The following XYLT1 variants were observed in gnomAD, a reference collection of about 807,000 sequenced individuals.
XYLT1 encodes the protein beta-D-xylosyltransferase 1.
Under a neutral mutation model 91.3 loss-of-function variants are expected in XYLT1, and 36 were observed. That is an observed-to-expected ratio of 0.39 (90% confidence interval 0.30 to 0.52). XYLT1 has a LOEUF of 0.52. Ranked by LOEUF, XYLT1 falls within the 20% of genes least tolerant of loss-of-function variation. The pLI is 0.68. For synonymous variants in XYLT1, 588 were observed against 532.0 expected (o/e 1.11, Z -1.45); for missense variants, 1,242 against 1,284.5 (o/e 0.97, Z 0.51).
intron 1 of XYLT1, among the ~76,000 whole-genome samples, chr16:17,434,971 A>C (rs142718619): frequency 5.3e-4 from 80 of 152,322 alleles, no homozygotes; most frequent in Middle Eastern, 3.4e-3. Flanking sequence ...TGCTTAGCTC[A>C]CAGGAGGTGC....
chr16:17,440,344 C>G (rs2036517390), intron 1 of XYLT1, among the ~76,000 whole-genome samples: 1 of 152,198 alleles, frequency 6.6e-6, no homozygotes, highest in African/African-American at 2.4e-5. Flanking sequence ...TGAACCAGAG[C>G]ACGCTGCTTG....
intron 2 of XYLT1, among the ~76,000 whole-genome samples, chr16:17,311,975 A>G (rs1181054125): frequency 6.6e-6 from 1 of 152,100 alleles, no homozygotes; most frequent in East Asian, 1.9e-4. Context: ...GGGTCCCTCC[A>G]TGGAGGGAGG....
intron 1 of XYLT1, among the ~76,000 whole-genome samples, chr16:17,421,241 T>C (rs2036248154): frequency 6.6e-6 from 1 of 152,122 alleles, no homozygotes; most frequent in African/African-American, 2.4e-5. Context: ...CAGTCTAAGA[T>C]AGGAGAATCA....
At chr16:17,227,754 GAA>G (rs1488624192) in intron 3 of XYLT1, 2 of 152,388 alleles carry the variant, frequency 1.3e-5, no homozygotes, top group African/African-American at 4.8e-5. Context: ...TGGAGCAGGA[GAA>G]AGAGTTGGGA....
chr16:17,125,226 A>G (rs925779209), intron 10 of XYLT1, among the ~76,000 whole-genome samples: 3 of 152,142 alleles, frequency 2.0e-5, no homozygotes, highest in African/African-American at 4.8e-5. Context: ...CAAAGGCTCT[A>G]TGGATTCTCT....
At position 17,104,027 on chromosome 16, in the gene XYLT1, T is replaced by TC. The variant is rs1055723422; in HGVS notation, c.*4667dup. 1 of 152,452 alleles carries TC rather than the reference T, an allele frequency of 6.6e-6. No homozygotes were observed. The highest frequency in any genetic ancestry group is 1.5e-5 in the Non-Finnish European group (1 of 68,084). The allele number at this position is 152,452 out of a possible 1,614,324, so 9.4% of individuals were successfully genotyped here. On this transcript the variant is annotated 3_prime_UTR_variant, in exon 12 of 12. Transcript: ENST00000261381. ...CTCAAGCAGATTTGGACAACTTTGT[T>TC]CCCCCCTCCCAGGTAAACTTCTCAG...
intron 2 of XYLT1, among the ~76,000 whole-genome samples, chr16:17,274,983 C>T (rs183594375): frequency 4.6e-4 from 70 of 152,184 alleles, no homozygotes; most frequent in African/African-American, 1.6e-3. Context: ...TCAAGAGTAG[C>T]CTGGCCAACA....
At chr16:17,337,214 G>A (rs1370730809) in intron 2 of XYLT1, among the ~76,000 whole-genome samples, 1 of 152,090 alleles carries the variant, frequency 6.6e-6, no homozygotes, top group Non-Finnish European at 1.5e-5. Context: ...TTGAGACAGG[G>A]TCTTACTCTG....
At chr16:17,191,256 G>T (rs575942428) in intron 5 of XYLT1, among the ~76,000 whole-genome samples, 10 of 152,320 alleles carry the variant, frequency 6.6e-5, no homozygotes, top group African/African-American at 2.4e-4. Flanking sequence ...ATATACATTT[G>T]CTGTGGTTGC....
chr16:17,332,573 C>T (rs4782005), intron 2 of XYLT1, among the ~76,000 whole-genome samples: 30,562 of 84,994 alleles, frequency 0.36, 3,171 homozygotes, highest in Admixed American at 0.45. Context: ...CACATACACA[C>T]ACACACACAC....
chr16:17,389,345 A>C lies in XYLT1; in HGVS notation c.364-31295T>G, dbSNP rs548697271. Among the ~76,000 whole-genome samples the C allele has an allele frequency of 4.6e-5, 7 of 152,328 alleles. 1 individual carries two copies. In the South Asian group the frequency reaches 1.4e-3, roughly 32 times the overall value. On this transcript the variant is annotated intron_variant, in intron 1 of 11. Transcript: ENST00000261381. ...ACTTCAGCCTCAACCTCCCGGGCTC[A>C]AGTGATCCTCCCACCTCAGCCTCCT...
intron 3 of XYLT1, among the ~76,000 whole-genome samples, chr16:17,206,463 C>T (rs2032646690): frequency 6.6e-6 from 1 of 152,100 alleles, no homozygotes; most frequent in African/African-American, 2.4e-5. Flanking sequence ...GATTCAAATT[C>T]CTGCTTCTGC....
At chr16:17,237,273 A>AT (rs1457762543) in intron 3 of XYLT1, among the ~76,000 whole-genome samples, 23 of 152,110 alleles carry the variant, frequency 1.5e-4, no homozygotes, top group Non-Finnish European at 2.8e-4. Flanking sequence ...GTTTTTCAGT[A>AT]TTTTTTCCCC....
At chr16:17,293,149 G>T (rs2034256127) in intron 2 of XYLT1, among the ~76,000 whole-genome samples, 1 of 152,166 alleles carries the variant, frequency 6.6e-6, no homozygotes, top group South Asian at 2.1e-4. Flanking sequence ...TAGAAGATTG[G>T]GAAGTTGATT....
intron 1 of XYLT1, chr16:17,369,870 C>G (rs956491350): frequency 6.6e-6 from 1 of 152,232 alleles, no homozygotes; most frequent in South Asian, 2.1e-4. Context: ...TTTCTCCTAG[C>G]TCTCTCGGAA....
At chr16:17,377,887 G>A (rs1210708367) in intron 1 of XYLT1, among the ~76,000 whole-genome samples, 3 of 152,156 alleles carry the variant, frequency 2.0e-5, no homozygotes, top group Non-Finnish European at 2.9e-5. Flanking sequence ...CTGAGTTTCA[G>A]CCTCAAAGAG....
At chr16:17,247,451 G>A (rs1020397879) in intron 3 of XYLT1, among the ~76,000 whole-genome samples, 2 of 152,170 alleles carry the variant, frequency 1.3e-5, no homozygotes, top group Admixed American at 6.5e-5. Flanking sequence ...AGAACCACAA[G>A]AGCTGCCAAT....
At chr16:17,145,259 T>C (rs1384586457) in intron 6 of XYLT1, among the ~76,000 whole-genome samples, 2 of 152,226 alleles carry the variant, frequency 1.3e-5, no homozygotes, top group African/African-American at 4.8e-5. Context: ...AACCACATTT[T>C]GCTTTACTTT....
Position 17,252,006 on chromosome 16 carries a change from C to A in XYLT1, c.913+6982G>T, listed in dbSNP as rs16968633. Among the ~76,000 whole-genome samples, 665 of 152,282 alleles carry A rather than the reference C, an allele frequency of 4.4e-3. 14 individuals are homozygous for A. In the East Asian group the frequency reaches 0.05, roughly 11 times the overall value. The stretch of plus-strand genomic sequence containing the variant: ...GAGCAGACCCAGCAAGACGTGGCTG[C>A]ACAATGGCTGACACCATCAAAGAAA... On this transcript the variant is annotated intron_variant, in intron 3 of 11. Coordinates refer to ENST00000261381, the MANE Select transcript of XYLT1 (RefSeq NM_022166.4).
Sources: allele counts gnomAD v4.1 joint callset (sites outside exome capture counted in the v4.1 genomes callset), GRCh38; gene constraint gnomAD v4.1.1; transcripts MANE v1.5; gene names NCBI Gene and HGNC (gene_info 2026-07-23, HGNC 2026-07-21).